The following CGNL1 variants were observed in gnomAD, a reference collection of about 807,000 sequenced individuals.
CGNL1 encodes the protein cingulin-like protein 1.
In CGNL1, 132 loss-of-function variants were observed where a neutral mutation model predicts 141.2. The observed-to-expected ratio is 0.93, with a 90% CI of 0.81 to 1.08. The LOEUF (loss-of-function observed/expected upper bound fraction) is 1.08, where lower values mean the gene tolerates loss of function less well. CGNL1 is among the 50% of genes least tolerant of loss of function. CGNL1 has a pLI of 0.00. For synonymous variants in CGNL1, 690 were observed against 622.1 expected (o/e 1.11, Z -1.63); for missense variants, 1,870 against 1,588.6 (o/e 1.18, Z -3.01).
At chr15:57,499,121 C>T (rs1220514504) in intron 8 of CGNL1, among the ~76,000 whole-genome samples, 1 of 151,114 alleles carries the variant, frequency 6.6e-6, no homozygotes, top group Non-Finnish European at 1.5e-5. Flanking sequence ...CTTGGAGGGT[C>T]TTGCTGTTGC....
At chr15:57,379,952 T>G (rs1348495342) in intron 1 of CGNL1, among the ~76,000 whole-genome samples, 1 of 152,198 alleles carries the variant, frequency 6.6e-6, no homozygotes, top group Non-Finnish European at 1.5e-5. Flanking sequence ...CCCCCTGTAC[T>G]TCTCTCCTCA....
At position 57,461,612 on chromosome 15, in the gene CGNL1, G is replaced by A; in HGVS notation, c.2191-68G>A. 3.0e-6 allele frequency: 4 copies of A among 1,325,004 alleles called. No individual in the cohort carries two copies. In the South Asian group the frequency reaches 4.7e-5, roughly 16 times the overall value. 82.1% of individuals were successfully genotyped at this position (1,325,004 alleles called of 1,614,324 possible). ...TGTGCACATGGGGACTGAACTGGAG[G>A]GGAGATACAGGGCCTCTCAACAAGA... On this transcript the variant is annotated intron_variant, in intron 7 of 18. Coordinates refer to ENST00000281282, the MANE Select transcript of CGNL1 (RefSeq NM_032866.5).
At chr15:57,463,331 T>C (rs1018736359) in intron 8 of CGNL1, among the ~76,000 whole-genome samples, 4 of 152,190 alleles carry the variant, frequency 2.6e-5, no homozygotes, top group African/African-American at 9.7e-5. Flanking sequence ...TTGTATGGAA[T>C]TGAGATCATC....
At chr15:57,463,734 G>C (rs1378722608) in intron 8 of CGNL1, among the ~76,000 whole-genome samples, 1 of 152,232 alleles carries the variant, frequency 6.6e-6, no homozygotes, top group Non-Finnish European at 1.5e-5. Context: ...TAGGGAAGAA[G>C]TCCCTTCTCT....
chr15:57,412,401 G>C (rs1299275207), intron 1 of CGNL1, among the ~76,000 whole-genome samples: 1 of 152,306 alleles, frequency 6.6e-6, no homozygotes, highest in African/African-American at 2.4e-5. Context: ...TCCTTACTCT[G>C]CTCTCCTCTG....
At chr15:57,544,743 C>A in intron 16 of CGNL1, 146 bp downstream of exon 16, 1 of 1,007,876 alleles carries the variant, frequency 9.9e-7, no homozygotes, top group Non-Finnish European at 1.4e-6. Flanking sequence ...TTATTATTTC[C>A]ATTTTATAGG....
At chr15:57,383,760 C>T (rs190941776) in intron 1 of CGNL1, among the ~76,000 whole-genome samples, 8 of 152,080 alleles carry the variant, frequency 5.3e-5, no homozygotes, top group African/African-American at 1.7e-4. Context: ...TCCCGAGGAG[C>T]TGGGACCACA....
At chr15:57,395,428 G>A (rs764940592) in intron 1 of CGNL1, among the ~76,000 whole-genome samples, 33 of 152,228 alleles carry the variant, frequency 2.2e-4, no homozygotes, top group Non-Finnish European at 3.5e-4. Flanking sequence ...CTCAGCAGCA[G>A]CATAACTAGT....
chr15:57,379,237 C>T (rs1278467393), intron 1 of CGNL1, among the ~76,000 whole-genome samples: 2 of 152,180 alleles, frequency 1.3e-5, no homozygotes, highest in Admixed American at 1.3e-4. Flanking sequence ...TATAATAATA[C>T]ACTCTACCCC....
chr15:57,376,916 C>G (rs1379750625), intron 1 of CGNL1: 1 of 152,360 alleles, frequency 6.6e-6, no homozygotes, highest in African/African-American at 2.4e-5. Flanking sequence ...CCCTCCGGCT[C>G]TAGTGACAGC....
At chr15:57,535,438 G>C (rs2032208863) in intron 14 of CGNL1, among the ~76,000 whole-genome samples, 1 of 152,180 alleles carries the variant, frequency 6.6e-6, no homozygotes, top group South Asian at 2.1e-4. Context: ...GAGTGTGGAA[G>C]AATTACTGGA....
chr15:57,526,262 C>G (rs1029323441), intron 12 of CGNL1, among the ~76,000 whole-genome samples: 5 of 152,090 alleles, frequency 3.3e-5, no homozygotes, highest in African/African-American at 1.2e-4. Context: ...CTGTGAGACA[C>G]TGTTTCCATG....
chr15:57,490,995 TGAGGAGCCGTCACAGCCAA>T (rs1471998989), intron 8 of CGNL1, among the ~76,000 whole-genome samples: 4 of 152,120 alleles, frequency 2.6e-5, no homozygotes, highest in African/African-American at 7.2e-5. Context: ...CCAGGGAGTC[TGAGGAGCCGTCACAGCCAA>T]GAGGAGCCTG....
chr15:57,484,664 G>A (rs886323595), intron 8 of CGNL1, among the ~76,000 whole-genome samples: 1 of 152,084 alleles, frequency 6.6e-6, no homozygotes, highest in Non-Finnish European at 1.5e-5. Context: ...CATCATCTAG[G>A]TTTTAAGCCC....
At chr15:57,469,480 G>T (rs2063552833) in intron 8 of CGNL1, among the ~76,000 whole-genome samples, 1 of 151,642 alleles carries the variant, frequency 6.6e-6, no homozygotes, top group Admixed American at 6.6e-5. Context: ...AAGAGAAGCA[G>T]CCACATCCAG....
At chr15:57,469,308 T>A (rs1450887326) in intron 8 of CGNL1, among the ~76,000 whole-genome samples, 2 of 151,604 alleles carry the variant, frequency 1.3e-5, no homozygotes, top group African/African-American at 4.8e-5. Flanking sequence ...TGAGTTCATC[T>A]TGAGGTCCTG....
chr15:57,424,193 C>T (rs753964671), intron 1 of CGNL1, among the ~76,000 whole-genome samples: 4 of 152,202 alleles, frequency 2.6e-5, no homozygotes, highest in South Asian at 2.1e-4. Flanking sequence ...TTGTCTAGCA[C>T]GTTTCTCCTT....
At chr15:57,394,389 T>G (rs1488189038) in intron 1 of CGNL1, among the ~76,000 whole-genome samples, 1 of 152,100 alleles carries the variant, frequency 6.6e-6, no homozygotes, top group East Asian at 1.9e-4. Context: ...CCTCCCAAAG[T>G]GCTGGGATTA....
chr15:57,446,641 G>C (rs1016849228), intron 4 of CGNL1, among the ~76,000 whole-genome samples: 2 of 148,404 alleles, frequency 1.3e-5, no homozygotes, highest in Admixed American at 6.7e-5. Context: ...TTAGCTGCTA[G>C]GTGTAATGCC....
Sources: allele counts gnomAD v4.1 joint callset (sites outside exome capture counted in the v4.1 genomes callset), GRCh38; gene constraint gnomAD v4.1.1; transcripts MANE v1.5; gene names NCBI Gene and HGNC (gene_info 2026-07-23, HGNC 2026-07-21).